Variants in NEK9 observed in about 807,000 individuals in gnomAD.
The protein encoded by NEK9 is NIMA related kinase 9.
In NEK9, 75 loss-of-function variants were observed where a neutral mutation model predicts 123.4. That is an observed-to-expected ratio of 0.61 (90% CI 0.50 to 0.74). NEK9 has a LOEUF of 0.74. Among genes scored for constraint, NEK9 ranks in the 30% least tolerant of loss-of-function variants. The pLI, the probability that NEK9 is intolerant of heterozygous loss-of-function variation, is 0.00. For synonymous variants in NEK9, 438 were observed against 458.7 expected, an observed-to-expected ratio of 0.95 and a Z score of 0.58; for missense variants, 952 against 1,214.4, an observed-to-expected ratio of 0.78 and a Z score of 3.21.
At chr14:75,103,193 TAA>T (rs565837587) in intron 14 of NEK9, among the ~76,000 whole-genome samples, 7 of 112,996 alleles carry the variant, frequency 6.2e-5, no homozygotes, top group Non-Finnish European at 3.8e-5. Context: ...AAAAGTATAA[TAA>T]AAAAAAAAAA....
At position 75,113,421 on chromosome 14, in the gene NEK9, G is replaced by T; in HGVS notation, c.874-18C>A. On this transcript the variant is annotated intron_variant, in intron 7 of 21. Transcript: ENST00000238616. ...TCAGGATCCTAAAAAGTAAAAATAG[G>T]GTTAGTTTTCACTTAATGGAAATGG... 6.3e-7 allele frequency: 1 copy of T among 1,599,098 alleles called. No individual in the cohort carries two copies. Among genetic ancestry groups the T allele is most frequent in the Non-Finnish European group, 8.6e-7 (1 of 1,167,860 alleles).
At chr14:75,123,975 ATTC>A in intron 2 of NEK9, 68 bp downstream of exon 2, 1 of 1,284,912 alleles carries the variant, frequency 7.8e-7, no homozygotes, top group Non-Finnish European at 1.1e-6. Flanking sequence ...CTCTTCTTAT[ATTC>A]TTCTCCTCAA....
Position 75,117,334 on chromosome 14 carries a change from ACAAAGAAACAAT to A in NEK9, c.631-20_631-9del, listed in dbSNP as rs1275090066. Reference sequence around the variant, plus strand: ...ATATGGGGTTCCCACAAGCTGAGCAACAAAGAAACAATCAAAGAATAACTTCTTTTCTGAGGT... The same window carrying A: ...ATATGGGGTTCCCACAAGCTGAGCAACAAAGAATAACTTCTTTTCTGAGGT... On this transcript the variant is annotated splice_polypyrimidine_tract_variant and intron_variant, in intron 5 of 21. Coordinates refer to ENST00000238616, the MANE Select transcript of NEK9 (RefSeq NM_033116.6). 6.3e-7 allele frequency: 1 copy of A among 1,593,002 alleles called. No individual in the cohort carries two copies. The highest frequency in any genetic ancestry group is 8.5e-7 in the Non-Finnish European group (1 of 1,174,416).
intron 16 of NEK9, among the ~76,000 whole-genome samples, chr14:75,099,598 A>C (rs1894496067): frequency 6.6e-6 from 1 of 151,744 alleles, no homozygotes; most frequent in South Asian, 2.1e-4. Flanking sequence ...TCTGGCTAAC[A>C]GGGCAAAACC....
At chr14:75,098,998 G>A (rs1668040468) in intron 16 of NEK9, among the ~76,000 whole-genome samples, 1 of 152,194 alleles carries the variant, frequency 6.6e-6, no homozygotes, top group Non-Finnish European at 1.5e-5. Context: ...GGGACAAGCA[G>A]AGAGAGTTAA....
intron 13 of NEK9, among the ~76,000 whole-genome samples, chr14:75,104,310 T>C (rs1475304800): frequency 6.9e-6 from 1 of 145,784 alleles, no homozygotes; most frequent in African/African-American, 2.6e-5. Context: ...GGATGACAGG[T>C]GCATGCCACC....
rs1894047407 is a variant in NEK9, at chr14:75,087,023, G to T, written c.2812C>A (p.Gln938Lys). 1 of 1,613,698 alleles carries T rather than the reference G, an allele frequency of 6.2e-7. No homozygotes were observed. Among genetic ancestry groups the T allele is most frequent in the Non-Finnish European group, 8.5e-7 (1 of 1,179,678 alleles). Reference sequence around the variant, plus strand: ...TATTCTTTTAATGCTCTCACCTGCTGCCCTCCTTCTAATTTCTTGTTCAAC... The same window carrying T: ...TATTCTTTTAATGCTCTCACCTGCTTCCCTCCTTCTAATTTCTTGTTCAAC... ...QKLNKKLEGG[Q>K]QVGMHSKGTQ... is the part of the protein sequence containing the mutation. Residue 938 changes from glutamine to lysine, a missense_variant, in exon 21 of 22, where the codon CAG (glutamine) becomes AAG (lysine). By Grantham distance (53) the Gln-to-Lys change is moderately conservative. Transcript: ENST00000238616.
Position 75,106,594 on chromosome 14 carries a change from C to T in NEK9, c.1436G>A (p.Ser479Asn), listed in dbSNP as rs1894785066. The T allele has an allele frequency of 6.2e-7, 1 of 1,613,936 alleles. No individual in the cohort carries two copies. The highest frequency in any genetic ancestry group is 8.5e-7 in the Non-Finnish European group (1 of 1,180,020). ...ACAGGAGACCTGCTCCACTGGATTG[C>T]TGAGGAAGAAGTTCAGCTGCATGGG... ...LEPMQLNFFL[S>N]NPVEQVSCGD... is the part of the protein sequence containing the mutation. The change falls in exon 12 of 22, where the codon AGC becomes AAC. Residue 479 changes from serine (S) to asparagine (N), a missense_variant. Coordinates refer to ENST00000238616, the MANE Select transcript of NEK9 (RefSeq NM_033116.6).
At chr14:75,113,128 C>T (rs1225878674) in intron 8 of NEK9, among the ~76,000 whole-genome samples, 1 of 152,144 alleles carries the variant, frequency 6.6e-6, no homozygotes, top group East Asian at 1.9e-4. Context: ...GGCTCTTGGG[C>T]CTCATTAGTA....
chr14:75,126,675 C>G (rs760339147), intron 1 of NEK9, 28 bp downstream of exon 1: 13 of 1,387,640 alleles, frequency 9.4e-6, no homozygotes, highest in African/African-American at 1.5e-5. Context: ...CAGCGCCAGA[C>G]AGGGCGGCCG....
intron 10 of NEK9, 45 bp downstream of exon 10, chr14:75,109,640 A>T (rs1219638982): frequency 6.4e-7 from 1 of 1,560,162 alleles, no homozygotes; most frequent in Non-Finnish European, 8.7e-7. Flanking sequence ...CCCAGTAAAC[A>T]ATTAGGCTTA....
chr14:75,092,420 C>T (rs957218021), intron 18 of NEK9, among the ~76,000 whole-genome samples: 1 of 152,028 alleles, frequency 6.6e-6, no homozygotes, highest in Non-Finnish European at 1.5e-5. Context: ...GTGCCCGCCA[C>T]CATGCCTGGC....
At chr14:75,114,715 G>A (rs1024515346) in intron 6 of NEK9, among the ~76,000 whole-genome samples, 1 of 151,948 alleles carries the variant, frequency 6.6e-6, no homozygotes, top group Non-Finnish European at 1.5e-5. Flanking sequence ...CAACAGATAA[G>A]GCAGTAATAA....
In NEK9 at chr14:75,107,376, A is replaced by T; in HGVS notation, c.1294T>A (p.Ser432Thr). The T allele has an allele frequency of 6.2e-7, 1 of 1,613,866 alleles. No homozygotes were observed. Among genetic ancestry groups the T allele is most frequent in the East Asian group, 2.2e-5 (1 of 44,846 alleles). ...CAGACAGTGAAATCATCACCACATG[A>T]CACCTGACGGATAGCTTTGCCTTGC... ...KLQGKAIRQVSCGDDFTVCVT... is the reference protein window; with the variant it reads ...KLQGKAIRQVTCGDDFTVCVT... Residue 432 changes from serine to threonine, a missense_variant, in exon 11 of 22, where the codon TCA (serine) becomes ACA (threonine). Physicochemically the swap from Ser to Thr is moderately conservative, Grantham distance 58. Coordinates refer to ENST00000238616, the MANE Select transcript of NEK9 (RefSeq NM_033116.6).
chr14:75,122,789 CTTTT>C (rs35799337), intron 2 of NEK9, among the ~76,000 whole-genome samples: 2 of 80,104 alleles, frequency 2.5e-5, no homozygotes, highest in South Asian at 5.3e-4. Context: ...CCACGCCCAG[CTTTT>C]TTTTTTTTTT....
chr14:75,087,246 G>A lies in NEK9; in HGVS notation c.2605-16C>T, dbSNP rs1047662303. ...GCCGAGGTGACTAGAGAGACAAGAA[G>A]GAGATTGCAGGAGGTTCTGCCCAGG... On this transcript the variant is annotated splice_polypyrimidine_tract_variant and intron_variant, in intron 20 of 21. Coordinates refer to ENST00000238616, the MANE Select transcript of NEK9 (RefSeq NM_033116.6). 6.3e-7 allele frequency: 1 copy of A among 1,583,628 alleles called. No individual in the cohort carries two copies. Among genetic ancestry groups the A allele is most frequent in the Non-Finnish European group, 8.6e-7 (1 of 1,156,616 alleles).
intron 10 of NEK9, among the ~76,000 whole-genome samples, chr14:75,108,508 CGTGTGCGT>C (rs1343560300): frequency 3.6e-5 from 3 of 82,350 alleles, no homozygotes; most frequent in Admixed American, 1.6e-4. Context: ...TATGTGTGTG[CGTGTGCGT>C]GTGTGTGTGT....
intron 14 of NEK9, among the ~76,000 whole-genome samples, 200 bp from the exon 15 acceptor site, chr14:75,101,965 CAT>C (rs746999002): frequency 6.6e-6 from 1 of 152,218 alleles, no homozygotes; most frequent in Non-Finnish European, 1.5e-5. Context: ...GAATGCAGCA[CAT>C]GAGGCAGAAC....
chr14:75,092,631 A>G (rs1259566154), intron 18 of NEK9, among the ~76,000 whole-genome samples: 1 of 152,250 alleles, frequency 6.6e-6, no homozygotes, highest in Non-Finnish European at 1.5e-5. Flanking sequence ...TTTTTATAAT[A>G]TAATGGCTGA....
Sources: allele counts gnomAD v4.1 joint callset (sites outside exome capture counted in the v4.1 genomes callset), GRCh38; gene constraint gnomAD v4.1.1; transcripts MANE v1.5; gene names NCBI Gene and HGNC (gene_info 2026-07-23, HGNC 2026-07-21).